GNA14: variants seen among roughly 807,000 people sequenced by gnomAD.
The protein encoded by GNA14 is G protein subunit alpha 14.
In GNA14, 50 loss-of-function variants were observed where a neutral mutation model predicts 42.0. That is an observed-to-expected ratio of 1.19 (90% confidence interval 0.95 to 1.51). The LOEUF (loss-of-function observed/expected upper bound fraction) is 1.51, where lower values mean the gene tolerates loss of function less well. Among genes scored for constraint, GNA14 ranks in the 40% most tolerant of loss-of-function variants. The pLI, the probability that GNA14 is intolerant of heterozygous loss-of-function variation, is 0.00. For synonymous variants in GNA14, 173 were observed against 163.1 expected (o/e 1.06, Z -0.46); for missense variants, 473 against 446.2 (o/e 1.06, Z -0.54).
At chr9:77,564,815 G>A (rs187326160) in intron 1 of GNA14, among the ~76,000 whole-genome samples, 27 of 147,048 alleles carry the variant, frequency 1.8e-4, no homozygotes, top group Admixed American at 7.0e-4. Context: ...CCTGGGTGAC[G>A]AAGCAAGAAT....
chr9:77,547,626 CT>C (rs1270881827), intron 1 of GNA14, among the ~76,000 whole-genome samples: 2 of 152,084 alleles, frequency 1.3e-5, no homozygotes, highest in Non-Finnish European at 2.9e-5. Context: ...AAGGCAGTCC[CT>C]TTTGGATTTA....
intron 1 of GNA14, among the ~76,000 whole-genome samples, chr9:77,608,730 C>CTGTTTTTT (rs1823678703): frequency 2.0e-5 from 1 of 49,502 alleles, no homozygotes; most frequent in African/African-American, 7.3e-5. Context: ...GCCCAATATC[C>CTGTTTTTT]TGTTTTTTTT....
At chr9:77,585,369 A>T (rs1032548327) in intron 1 of GNA14, among the ~76,000 whole-genome samples, 1 of 152,204 alleles carries the variant, frequency 6.6e-6, no homozygotes, top group African/African-American at 2.4e-5. Context: ...TATATCTACA[A>T]AGAAAATCTC....
intron 2 of GNA14, among the ~76,000 whole-genome samples, chr9:77,510,018 A>C (rs908751898): frequency 6.6e-6 from 1 of 152,202 alleles, no homozygotes; most frequent in Admixed American, 6.5e-5. Context: ...CAATTCAATT[A>C]TTTTTAGTAT....
intron 2 of GNA14, among the ~76,000 whole-genome samples, chr9:77,455,985 T>C (rs1835992901): frequency 6.6e-6 from 1 of 152,206 alleles, no homozygotes; most frequent in Admixed American, 6.5e-5. Flanking sequence ...GTCTTATAAG[T>C]AGCCTCTAAT....
intron 2 of GNA14, among the ~76,000 whole-genome samples, chr9:77,482,004 A>G (rs923185600): frequency 9.2e-5 from 14 of 152,036 alleles, no homozygotes; most frequent in African/African-American, 3.4e-4. Context: ...TCTTTATCCA[A>G]TTTGCCAGTC....
At chr9:77,502,469 C>T (rs1237718208) in intron 2 of GNA14, among the ~76,000 whole-genome samples, 7 of 152,186 alleles carry the variant, frequency 4.6e-5, no homozygotes, top group Non-Finnish European at 1.0e-4. Context: ...AGGGGCTCCT[C>T]GATCCTGCTG....
At chr9:77,621,593 G>A (rs1324294096) in intron 1 of GNA14, among the ~76,000 whole-genome samples, 3 of 152,016 alleles carry the variant, frequency 2.0e-5, no homozygotes, top group African/African-American at 4.8e-5. Context: ...TGCCCCACCC[G>A]TTAATATAGA....
At chr9:77,622,967 C>T (rs971355884) in intron 1 of GNA14, among the ~76,000 whole-genome samples, 2 of 149,626 alleles carry the variant, frequency 1.3e-5, no homozygotes, top group African/African-American at 2.5e-5. Context: ...GTAATCCCAG[C>T]ACTTTGGGAG....
intron 6 of GNA14, among the ~76,000 whole-genome samples, chr9:77,424,741 T>C (rs1564009749): frequency 6.6e-6 from 1 of 152,170 alleles, no homozygotes; most frequent in Non-Finnish European, 1.5e-5. Context: ...TTTGGACCAC[T>C]ATTGAAGAGA....
intron 3 of GNA14, among the ~76,000 whole-genome samples, chr9:77,433,571 C>T (rs1172653086): frequency 6.6e-6 from 1 of 151,994 alleles, no homozygotes; most frequent in Non-Finnish European, 1.5e-5. Flanking sequence ...CTCTGCTGCC[C>T]AGGCTAGTCT....
chr9:77,525,540 C>CT (rs780509461), intron 2 of GNA14, among the ~76,000 whole-genome samples: 2,079 of 137,082 alleles, frequency 0.015, 67 homozygotes, highest in Admixed American at 0.072. Flanking sequence ...ATGGTTTGTT[C>CT]TTTTTTTTTT....
At position 77,559,517 on chromosome 9, in the gene GNA14, C is replaced by A. The variant is rs185141324; in HGVS notation, c.125-30264G>T. Among the ~76,000 whole-genome samples the A allele has an allele frequency of 4.1e-4, 62 of 152,234 alleles. No individual in the cohort carries two copies. The East Asian group carries it at 0.011, about 28-fold the overall frequency. The stretch of plus-strand genomic sequence containing the variant: ...AAGAGGGCATGCTCCAGGAGAAGGG[C>A]ACAGCTTACCACAGGGCATGCAGAA... On this transcript the variant is annotated intron_variant, in intron 1 of 6. Transcript: ENST00000341700.
intron 1 of GNA14, among the ~76,000 whole-genome samples, chr9:77,543,593 G>A (rs1040057581): frequency 6.6e-6 from 1 of 152,202 alleles, no homozygotes; most frequent in Non-Finnish European, 1.5e-5. Context: ...CAAGGGTTAA[G>A]CGCCTCTCGC....
rs1837118609 is a variant in GNA14 at position 77,509,064 on chromosome 9, A to G, written c.309+20005T>C. Among the ~76,000 whole-genome samples, 3 of 152,240 alleles carry G rather than the reference A, an allele frequency of 2.0e-5. No individual in the cohort carries two copies. In the South Asian group the frequency reaches 6.2e-4, roughly 32 times the overall value. On this transcript the variant is annotated intron_variant, in intron 2 of 6. Transcript: ENST00000341700. ...CTCTCCAGAACTTTTTCATCACTGC[A>G]AACTGAAACTCTGTACTCATTTGGT...
chr9:77,588,128 T>A (rs1823333675), intron 1 of GNA14, among the ~76,000 whole-genome samples: 1 of 152,138 alleles, frequency 6.6e-6, no homozygotes. Flanking sequence ...ACCTGAATAG[T>A]CAAGAACACT....
chr9:77,586,644 C>G (rs1436829609), intron 1 of GNA14, among the ~76,000 whole-genome samples: 1 of 152,216 alleles, frequency 6.6e-6, no homozygotes, highest in African/African-American at 2.4e-5. Flanking sequence ...TAGTCCGTGG[C>G]AAAGTGCACA....
At chr9:77,429,639 A>T (rs562147028) in intron 4 of GNA14, among the ~76,000 whole-genome samples, 2 of 152,198 alleles carry the variant, frequency 1.3e-5, no homozygotes, top group African/African-American at 4.8e-5. Context: ...TGCTACAAGA[A>T]TCAGGCAGTT....
intron 1 of GNA14, among the ~76,000 whole-genome samples, chr9:77,557,814 G>A (rs916990034): frequency 1.3e-5 from 2 of 152,082 alleles, no homozygotes; most frequent in South Asian, 2.1e-4. Flanking sequence ...CTCAAAAAAC[G>A]GGATCATTCG....
Sources: gnomAD v4.1 joint callset for allele counts (sites outside exome capture counted in the v4.1 genomes callset) on GRCh38, gnomAD v4.1.1 for gene constraint, MANE v1.5 for transcripts, NCBI Gene and HGNC (gene_info 2026-07-23, HGNC 2026-07-21) for gene names.